Variants in SAXO1 observed in about 807,000 individuals in gnomAD.
SAXO1 encodes stabilizer of axonemal microtubules 1.
In SAXO1, 21 loss-of-function variants were observed where a neutral mutation model predicts 17.5. The ratio of observed to expected loss-of-function variants is 1.20; its 90% CI spans 0.85 to 1.72. The LOEUF is 1.72. Ranked by LOEUF, SAXO1 falls within the 40% of genes most tolerant of loss-of-function variation. SAXO1 has a pLI of 0.00. For missense variants in SAXO1, 843 were observed against 596.0 expected (o/e 1.41, Z -4.32); for synonymous variants, 274 against 216.5 (o/e 1.27, Z -2.33).
At chr9:18,938,821 C>CGTGCGT (rs759584592) in intron 3 of SAXO1, among the ~76,000 whole-genome samples, 5 of 78,510 alleles carry the variant, frequency 6.4e-5, no homozygotes, top group South Asian at 4.5e-4. Flanking sequence ...TGCGTGCGTG[C>CGTGCGT]GTGTGTGTGT....
intron 1 of SAXO1, among the ~76,000 whole-genome samples, chr9:19,017,114 G>C (rs1012106775): frequency 6.6e-6 from 1 of 152,002 alleles, no homozygotes; most frequent in African/African-American, 2.4e-5. Flanking sequence ...TTTGAGACCA[G>C]CCTGGACAAC....
chr9:19,023,915 G>T (rs1835359314), intron 1 of SAXO1, among the ~76,000 whole-genome samples: 1 of 146,214 alleles, frequency 6.8e-6, no homozygotes, highest in African/African-American at 2.5e-5. Flanking sequence ...GAGGTGGGAA[G>T]ATTGCTTGAG....
chr9:19,043,502 C>G lies in SAXO1; in HGVS notation c.-158+5707G>C, dbSNP rs117149100. Among the ~76,000 whole-genome samples the G allele has an allele frequency of 1.2e-4, 18 of 151,876 alleles. No individual in the cohort carries two copies. The East Asian group carries it at 3.5e-3, about 30-fold the overall frequency. On this transcript the variant is annotated intron_variant, in intron 1 of 3. Coordinates refer to the SAXO1 transcript ENST00000542071. ...CTAGTAGGGGCCAGGCATGGTGGCT[C>G]ACACCTGTAATTGGAGCACTTTGGG... is the stretch of plus-strand genomic sequence containing the variant.
chr9:19,028,629 T>C (rs1030472916), intron 1 of SAXO1, among the ~76,000 whole-genome samples: 1 of 152,226 alleles, frequency 6.6e-6, no homozygotes, highest in Admixed American at 6.5e-5. Context: ...GCTGATTATG[T>C]TGAAAAGAGA....
intron 1 of SAXO1, among the ~76,000 whole-genome samples, chr9:18,953,794 C>T (rs1412962956): frequency 6.6e-6 from 1 of 152,150 alleles, no homozygotes; most frequent in Non-Finnish European, 1.5e-5. Flanking sequence ...GATGGATAAA[C>T]AGTGTGTAAG....
chr9:18,936,565 A>C (rs994769561), intron 3 of SAXO1, among the ~76,000 whole-genome samples: 9 of 152,196 alleles, frequency 5.9e-5, no homozygotes, highest in African/African-American at 1.9e-4. Flanking sequence ...TTGAAACCAC[A>C]TTATTATCCA....
chr9:18,993,781 C>T (rs1218928352), intron 1 of SAXO1, among the ~76,000 whole-genome samples: 3 of 152,248 alleles, frequency 2.0e-5, no homozygotes, highest in Non-Finnish European at 4.4e-5. Flanking sequence ...TACCATATTA[C>T]CATATTCAAT....
intron 1 of SAXO1, among the ~76,000 whole-genome samples, chr9:18,992,625 C>T (rs1344227708): frequency 1.3e-5 from 2 of 152,188 alleles, no homozygotes; most frequent in Non-Finnish European, 2.9e-5. Context: ...ACTCTCCAAA[C>T]CTGGCACCTC....
chr9:18,959,927 C>G (rs1178462214), intron 1 of SAXO1, among the ~76,000 whole-genome samples: 1 of 152,140 alleles, frequency 6.6e-6, no homozygotes, highest in Non-Finnish European at 1.5e-5. Context: ...CTTTCATCAG[C>G]AGCAATGCAA....
intron 1 of SAXO1, among the ~76,000 whole-genome samples, chr9:19,015,255 T>C (rs976256031): frequency 7.9e-5 from 12 of 152,190 alleles, no homozygotes; most frequent in Non-Finnish European, 1.8e-4. Context: ...AGCCTCAAGC[T>C]CCTGGGCTCC....
chr9:18,938,561 C>T (rs543220139), intron 3 of SAXO1, among the ~76,000 whole-genome samples: 7 of 152,014 alleles, frequency 4.6e-5, no homozygotes, highest in Non-Finnish European at 8.8e-5. Context: ...CAAAAACCGC[C>T]CCCATTATAC....
At chr9:18,968,962 T>C (rs1245059003) in intron 1 of SAXO1, among the ~76,000 whole-genome samples, 5 of 152,054 alleles carry the variant, frequency 3.3e-5, no homozygotes, top group Non-Finnish European at 7.4e-5. Flanking sequence ...TGGCTGGCAT[T>C]GATGGATGGC....
chr9:18,998,446 C>T (rs973696605), intron 1 of SAXO1, among the ~76,000 whole-genome samples: 1 of 152,076 alleles, frequency 6.6e-6, no homozygotes, highest in Non-Finnish European at 1.5e-5. Context: ...ACAAAGCCTC[C>T]AAGAAATTTG....
chr9:18,960,953 G>C (rs1832459154), intron 1 of SAXO1, among the ~76,000 whole-genome samples: 1 of 152,236 alleles, frequency 6.6e-6, no homozygotes, highest in South Asian at 2.1e-4. Flanking sequence ...AAATGTTCTG[G>C]AGTGCTGGCA....
chr9:18,944,487 C>T (rs915840231), intron 2 of SAXO1, among the ~76,000 whole-genome samples: 3 of 152,174 alleles, frequency 2.0e-5, no homozygotes, highest in African/African-American at 7.2e-5. Context: ...ACTAGCTTTT[C>T]TTTTTAAGAA....
intron 1 of SAXO1, among the ~76,000 whole-genome samples, chr9:19,038,569 G>A (rs1836000178): frequency 7.6e-6 from 1 of 132,340 alleles, no homozygotes; most frequent in South Asian, 2.5e-4. Flanking sequence ...AGAACACATG[G>A]ACACAGGAAG....
intron 1 of SAXO1, among the ~76,000 whole-genome samples, chr9:18,962,219 C>A (rs1832517067): frequency 6.6e-6 from 1 of 152,180 alleles, no homozygotes; most frequent in Non-Finnish European, 1.5e-5. Context: ...AGGCATGTGC[C>A]ACCACACCCG....
chr9:18,940,687 C>T (rs1219497872), intron 3 of SAXO1, among the ~76,000 whole-genome samples: 3 of 152,226 alleles, frequency 2.0e-5, no homozygotes, highest in Non-Finnish European at 4.4e-5. Flanking sequence ...TGATTACAAA[C>T]CTGGTCTCCA....
At chr9:19,042,456 G>C (rs1163291905) in intron 1 of SAXO1, among the ~76,000 whole-genome samples, 2 of 152,220 alleles carry the variant, frequency 1.3e-5, no homozygotes. Context: ...ATACCCAAAA[G>C]AAAGGGAATC....
Sources: gnomAD v4.1 joint callset for allele counts (sites outside exome capture counted in the v4.1 genomes callset) on GRCh38, gnomAD v4.1.1 for gene constraint, MANE v1.5 for transcripts, NCBI Gene and HGNC (gene_info 2026-07-23, HGNC 2026-07-21) for gene names.